Variants in KIF11 observed in about 807,000 individuals in gnomAD.
KIF11 encodes the protein kinesin family member 11.
Under a neutral mutation model 121.0 loss-of-function variants are expected in KIF11, and 9 were observed. The ratio of observed to expected loss-of-function variants is 0.07; its 90% confidence interval spans 0.04 to 0.13. KIF11 has a LOEUF of 0.13. KIF11 is among the 10% of genes least tolerant of loss of function. The pLI, the probability that KIF11 is intolerant of heterozygous loss-of-function variation, is 1.00. For missense variants in KIF11, 846 were observed against 1,217.5 expected (o/e 0.69, Z 4.54); for synonymous variants, 408 against 421.0 (o/e 0.97, Z 0.38).
chr10:92,604,894 A>G (rs1844411827), intron 1 of KIF11, among the ~76,000 whole-genome samples: 3 of 152,138 alleles, frequency 2.0e-5, no homozygotes, highest in South Asian at 4.1e-4. Context: ...TTATTAGGCA[A>G]TGTAGTTTAA....
Position 92,613,242 on chromosome 10 carries a change from TG to T in KIF11, c.789+115del, listed in dbSNP as rs1419375166. The T allele has an allele frequency of 1.9e-6, 2 of 1,061,930 alleles. No individual in the cohort carries two copies. Among genetic ancestry groups the T allele is most frequent in the Admixed American group, 5.5e-5 (2 of 36,290 alleles). The allele number at this position is 1,061,930 out of a possible 1,614,324, so 65.8% of individuals were successfully genotyped here. A position where few individuals can be genotyped will look rare whatever the true frequency, so the allele number is the denominator to read the frequency against. On this transcript the variant is annotated intron_variant, in intron 7 of 21. Transcript: ENST00000260731. This position sits in a 1 kb window ranked among gnomAD's most constrained non-coding sequence, Gnocchi z 4.2. ...GGTCACTGGGTGATTAGCTTTGTAG[TG>T]GGAGAAGAAATTTGTTAATTACAGA...
intron 8 of KIF11, among the ~76,000 whole-genome samples, chr10:92,616,004 A>C (rs1205542011): frequency 6.6e-6 from 1 of 151,524 alleles, no homozygotes; most frequent in Non-Finnish European, 1.5e-5. Flanking sequence ...ATGCCTGGCT[A>C]ATTTTTGTAT....
chr10:92,599,127 T>G (rs1331963783), intron 1 of KIF11, among the ~76,000 whole-genome samples: 1 of 152,078 alleles, frequency 6.6e-6, no homozygotes, highest in Non-Finnish European at 1.5e-5. Flanking sequence ...CCTCCTTGGT[T>G]AAATTAATTA....
intron 10 of KIF11, among the ~76,000 whole-genome samples, chr10:92,628,205 G>C (rs1844699910): frequency 2.0e-5 from 3 of 152,172 alleles, no homozygotes; most frequent in African/African-American, 7.2e-5. Context: ...CTAGTGCTGA[G>C]GCTGAGAAAC....
In KIF11 at chr10:92,632,638, T is replaced by G; in HGVS notation, c.1647T>G (p.Ile549Met). The change falls in exon 13 of 22, where the codon ATT becomes ATG. Residue 549 changes from isoleucine (I) to methionine (M), a missense_variant. By Grantham distance (10) the Ile-to-Met change is conservative. Around this residue, in one of 5 missense-constraint regions of KIF11, gnomAD observed 492 missense variants for 603.4 expected, o/e 0.82. Coordinates refer to ENST00000260731, the MANE Select transcript of KIF11 (RefSeq NM_004523.4). ...TGTTTAATAATATGGAAGAATTAATTAAGGATGGCAGCTCAAAGCAAAAGG... is the reference window on the plus strand; with the variant it reads ...TGTTTAATAATATGGAAGAATTAATGAAGGATGGCAGCTCAAAGCAAAAGG... ...NSLFNNMEELIKDGSSKQKAM... is the reference protein window; with the variant it reads ...NSLFNNMEELMKDGSSKQKAM... 1 of 1,613,358 alleles carries G rather than the reference T, an allele frequency of 6.2e-7. No homozygotes were observed. Among genetic ancestry groups the G allele is most frequent in the Non-Finnish European group, 8.5e-7 (1 of 1,179,688 alleles).
At chr10:92,646,153 T>C (rs767660951) in intron 18 of KIF11, among the ~76,000 whole-genome samples, 106 of 152,034 alleles carry the variant, frequency 7.0e-4, no homozygotes, top group Non-Finnish European at 1.5e-3. Flanking sequence ...GGGGTTTCAC[T>C]ATATTGGCCA....
At chr10:92,632,434 A>G in intron 12 of KIF11, 52 bp from the exon 13 acceptor site, 2 of 1,149,178 alleles carry the variant, frequency 1.7e-6, no homozygotes, top group Non-Finnish European at 2.6e-6. Flanking sequence ...TACTTTCATC[A>G]GATTCCTTTC....
At position 92,653,884 on chromosome 10, in the gene KIF11, T is replaced by A; in HGVS notation, c.*88T>A. 8.2e-7 allele frequency: 1 copy of A among 1,214,064 alleles called. No homozygotes were observed. Among genetic ancestry groups the A allele is most frequent in the Non-Finnish European group, 1.2e-6 (1 of 864,084 alleles). The allele number at this position is 1,214,064 out of a possible 1,614,324, so 75.2% of individuals were successfully genotyped here. ...GAACTTGAGCCTTGTGTATAGATTT[T>A]AAAAGAATATATATATCAGCCGGGC... On this transcript the variant is annotated 3_prime_UTR_variant, in exon 22 of 22. Transcript: ENST00000260731.
At chr10:92,636,128 A>G (rs1263645859) in intron 14 of KIF11, among the ~76,000 whole-genome samples, 1 of 152,216 alleles carries the variant, frequency 6.6e-6, no homozygotes, top group Non-Finnish European at 1.5e-5. Flanking sequence ...CAGATCTTCA[A>G]AGTTAAGTAC....
At chr10:92,645,256 C>A in intron 17 of KIF11, 107 bp from the exon 18 acceptor site, 2 of 751,426 alleles carry the variant, frequency 2.7e-6, no homozygotes, top group Non-Finnish European at 4.3e-6. Flanking sequence ...TGGAGCCAGA[C>A]TGTCCACGTT....
chr10:92,638,988 G>A (rs1348377409), intron 16 of KIF11, among the ~76,000 whole-genome samples: 1 of 152,130 alleles, frequency 6.6e-6, no homozygotes, highest in African/African-American at 2.4e-5. Flanking sequence ...ATAAGAGCTT[G>A]TTTTCAAAGA....
At chr10:92,643,172 A>G (rs1844882994) in intron 17 of KIF11, among the ~76,000 whole-genome samples, 1 of 152,182 alleles carries the variant, frequency 6.6e-6, no homozygotes, top group African/African-American at 2.4e-5. Flanking sequence ...CTGGCCTCCC[A>G]AAGTGCTGGG....
chr10:92,630,046 A>AAAGAAG (rs1844719735), intron 11 of KIF11, 130 bp from the exon 12 acceptor site: 1 of 560,110 alleles, frequency 1.8e-6, no homozygotes, highest in African/African-American at 1.9e-5. Flanking sequence ...AGGATGACAT[A>AAAGAAG]TTTGTGTTAA....
chr10:92,655,270 GAATTATCTT>G lies in KIF11; in HGVS notation c.*1478_*1486del, dbSNP rs1332424857. 3 of 152,144 alleles carry G rather than the reference GAATTATCTT, an allele frequency of 2.0e-5. No homozygotes were observed. The highest frequency in any genetic ancestry group is 7.2e-5 in the African/African-American group (3 of 41,438). 9.4% of individuals were successfully genotyped at this position (152,144 alleles called of 1,614,324 possible). On this transcript the variant is annotated 3_prime_UTR_variant, in exon 22 of 22. Coordinates refer to ENST00000260731, the MANE Select transcript of KIF11 (RefSeq NM_004523.4). ...TTCAAGAAACTAAATTGATCTCGTAGAATTATCTTAATAAAATAATGGCTATAATTTCTC... is the reference window on the plus strand; with the variant it reads ...TTCAAGAAACTAAATTGATCTCGTAGAATAAAATAATGGCTATAATTTCTC...
At chr10:92,614,578 G>C (rs1328909962) in intron 8 of KIF11, among the ~76,000 whole-genome samples, 1 of 152,116 alleles carries the variant, frequency 6.6e-6, no homozygotes, top group Non-Finnish European at 1.5e-5. Context: ...GTCATTAGCA[G>C]TGGGTGGTGT....
At chr10:92,599,401 T>C (rs1314381302) in intron 1 of KIF11, among the ~76,000 whole-genome samples, 1 of 150,978 alleles carries the variant, frequency 6.6e-6, no homozygotes, top group African/African-American at 2.4e-5. Flanking sequence ...GGCGCGTGCC[T>C]GTAGTCCCAG....
At chr10:92,616,195 T>C (rs1844555777) in intron 8 of KIF11, among the ~76,000 whole-genome samples, 1 of 151,816 alleles carries the variant, frequency 6.6e-6, no homozygotes, top group Non-Finnish European at 1.5e-5. Flanking sequence ...TGTGGTTTTT[T>C]TGTTTTGTTT....
chr10:92,599,264 C>G (rs1224796217), intron 1 of KIF11, among the ~76,000 whole-genome samples: 2 of 151,736 alleles, frequency 1.3e-5, no homozygotes, highest in East Asian at 3.9e-4. Flanking sequence ...CACCTGTTAT[C>G]CCAGCACTTT....
chr10:92,601,561 C>T (rs1564702578), intron 1 of KIF11, among the ~76,000 whole-genome samples: 5 of 151,776 alleles, frequency 3.3e-5, no homozygotes, highest in Admixed American at 2.6e-4. Flanking sequence ...AGTATTATGT[C>T]GAATGGAAGT....
Sources: allele counts gnomAD v4.1 joint callset (sites outside exome capture counted in the v4.1 genomes callset), GRCh38; gene constraint gnomAD v4.1.1; regional missense constraint gnomAD v4.1.1; non-coding constraint Gnocchi (gnomAD v3.1); transcripts MANE v1.5; gene names NCBI Gene and HGNC (gene_info 2026-07-23, HGNC 2026-07-21).